Variants in YARS1 observed in about 807,000 individuals in gnomAD.
YARS1 encodes the protein tyrosyl-tRNA synthetase 1.
Under a neutral mutation model 62.2 loss-of-function variants are expected in YARS1, and 36 were observed. The ratio of observed to expected loss-of-function variants is 0.58; its 90% CI spans 0.44 to 0.76. The LOEUF (loss-of-function observed/expected upper bound fraction) is 0.76, where lower values mean the gene tolerates loss of function less well. Among genes scored for constraint, YARS1 ranks in the 30% least tolerant of loss-of-function variants. The pLI is 0.00. For synonymous variants in YARS1, 234 were observed against 244.9 expected (o/e 0.96, Z 0.42); for missense variants, 524 against 639.8 (o/e 0.82, Z 1.95).
chr1:32,777,019 G>T (rs2148598098), intron 12 of YARS1, among the ~76,000 whole-genome samples: 1 of 150,422 alleles, frequency 6.6e-6, no homozygotes, highest in Non-Finnish European at 1.5e-5. Context: ...ATACTATACA[G>T]TGCAACCCCT....
At chr1:32,809,893 C>A (rs1638544752) in intron 3 of YARS1, among the ~76,000 whole-genome samples, 1 of 152,030 alleles carries the variant, frequency 6.6e-6, no homozygotes, top group Non-Finnish European at 1.5e-5. Flanking sequence ...ATCACCTGAG[C>A]TCAGGAGTTA....
At chr1:32,815,206 C>T (rs1483484798) in intron 1 of YARS1, among the ~76,000 whole-genome samples, 1 of 151,876 alleles carries the variant, frequency 6.6e-6, no homozygotes, top group Admixed American at 6.6e-5. Flanking sequence ...AAAATTAGCC[C>T]GGCGTGGTGG....
At chr1:32,791,530 G>C (rs766795060) in intron 5 of YARS1, among the ~76,000 whole-genome samples, 4 of 152,164 alleles carry the variant, frequency 2.6e-5, no homozygotes, top group Non-Finnish European at 1.5e-5. Context: ...AGCCGGGCAT[G>C]GTGGCTCACA....
intron 9 of YARS1, chr1:32,782,164 TACATC>T: frequency 1.7e-6 from 1 of 594,230 alleles, no homozygotes. Flanking sequence ...GACCAAAGTA[TACATC>T]TTACACCAGC....
At chr1:32,801,524 T>C (rs2148612120) in intron 4 of YARS1, among the ~76,000 whole-genome samples, 1 of 152,336 alleles carries the variant, frequency 6.6e-6, no homozygotes, top group Non-Finnish European at 1.5e-5. Context: ...GTCTGATGGC[T>C]GCTGACTGAT....
intron 5 of YARS1, among the ~76,000 whole-genome samples, chr1:32,796,264 C>T (rs1308104538): frequency 6.6e-6 from 1 of 152,064 alleles, no homozygotes; most frequent in African/African-American, 2.4e-5. Flanking sequence ...CCACTGCACT[C>T]CAGCCCAGGC....
chr1:32,777,906 T>G (rs1216071769), intron 12 of YARS1, among the ~76,000 whole-genome samples: 2 of 152,166 alleles, frequency 1.3e-5, no homozygotes, highest in Non-Finnish European at 2.9e-5. Context: ...TTCTTTAATA[T>G]CTCTATGTGG....
intron 5 of YARS1, among the ~76,000 whole-genome samples, chr1:32,791,905 C>T (rs979268173): frequency 6.6e-6 from 1 of 152,148 alleles, no homozygotes; most frequent in African/African-American, 2.4e-5. Context: ...TTGCCTTGGG[C>T]TTTCTCACTG....
intron 1 of YARS1, among the ~76,000 whole-genome samples, chr1:32,812,608 G>T (rs763646220): frequency 2.7e-4 from 41 of 152,126 alleles, no homozygotes; most frequent in Non-Finnish European, 5.0e-4. Flanking sequence ...ACCTTTTAAG[G>T]TCAGATAACA....
chr1:32,780,834 C>T (rs1653029226), intron 10 of YARS1: 2 of 612,772 alleles, frequency 3.3e-6, no homozygotes, highest in African/African-American at 3.7e-5. Context: ...AACATCCGTC[C>T]CCCATGCTGA....
chr1:32,776,699 G>T lies in YARS1; in HGVS notation c.1477-608C>A, dbSNP rs2148597866. On this transcript the variant is annotated intron_variant, in intron 12 of 12. Transcript: ENST00000373477. The surrounding 1 kb of genome is among the most constrained non-coding windows in gnomAD (Gnocchi z 4.0). ...TTTAGTTAGATTGCCGGGCGTGGTG[G>T]CTCACACCTATAATCCCAGCATTTC... Among the ~76,000 whole-genome samples, 1 of 152,224 alleles carries T rather than the reference G, an allele frequency of 6.6e-6. No homozygotes were observed. The highest frequency in any genetic ancestry group is 1.9e-4 in the East Asian group (1 of 5,142).
At chr1:32,779,963 G>T in intron 11 of YARS1, 122 bp downstream of exon 11, 1 of 1,198,604 alleles carries the variant, frequency 8.3e-7, no homozygotes, top group Non-Finnish European at 1.2e-6. Context: ...TTTGGCATCA[G>T]CAAGGAAGAG....
At chr1:32,789,702 T>C (rs1276025765) in intron 6 of YARS1, among the ~76,000 whole-genome samples, 11 of 147,060 alleles carry the variant, frequency 7.5e-5, no homozygotes, top group South Asian at 2.2e-4. Flanking sequence ...AATTCTCCTG[T>C]CTCAGCCTCC....
chr1:32,780,308 G>C (rs764927716), intron 10 of YARS1, 30 bp from the exon 11 acceptor site: 1 of 1,612,518 alleles, frequency 6.2e-7, no homozygotes, highest in Admixed American at 1.7e-5. Context: ...GGAGGAAGAG[G>C]ATCATCGTCC....
At chr1:32,810,033 G>A (rs1022743627) in intron 3 of YARS1, among the ~76,000 whole-genome samples, 5 of 151,076 alleles carry the variant, frequency 3.3e-5, no homozygotes, top group African/African-American at 1.2e-4. Flanking sequence ...TTGAACCCAG[G>A]AGGCAGAGGG....
At chr1:32,807,454 T>C (rs770097822) in intron 3 of YARS1, among the ~76,000 whole-genome samples, 1 of 151,722 alleles carries the variant, frequency 6.6e-6, no homozygotes, top group Non-Finnish European at 1.5e-5. Flanking sequence ...TTTTTATGTT[T>C]TTCCTTTTAT....
At chr1:32,806,281 T>C (rs1171118697) in intron 4 of YARS1, among the ~76,000 whole-genome samples, 1 of 152,202 alleles carries the variant, frequency 6.6e-6, no homozygotes, top group Non-Finnish European at 1.5e-5. Flanking sequence ...ATTACCAAAA[T>C]GTAGCACAGA....
intron 1 of YARS1, among the ~76,000 whole-genome samples, chr1:32,812,966 C>A: frequency 8.0e-6 from 1 of 125,726 alleles, no homozygotes. Context: ...GACACTCTGT[C>A]TCCAAAAAAA....
chr1:32,789,184 A>T (rs567550184), intron 6 of YARS1, among the ~76,000 whole-genome samples: 1 of 152,212 alleles, frequency 6.6e-6, no homozygotes, highest in Non-Finnish European at 1.5e-5. Context: ...ATAATTTAGC[A>T]AACTCCAAAC....
Sources: allele counts gnomAD v4.1 joint callset (sites outside exome capture counted in the v4.1 genomes callset), GRCh38; gene constraint gnomAD v4.1.1; non-coding constraint Gnocchi (gnomAD v3.1); transcripts MANE v1.5; gene names NCBI Gene and HGNC (gene_info 2026-07-23, HGNC 2026-07-21).